The following RGS22 variants were observed in gnomAD, a reference collection of about 807,000 sequenced individuals.
The protein encoded by RGS22 is regulator of G-protein signaling 22.
Under a neutral mutation model 172.9 loss-of-function variants are expected in RGS22, and 148 were observed. The ratio of observed to expected loss-of-function variants is 0.86; its 90% CI spans 0.75 to 0.98. The LOEUF is 0.98. Ranked by LOEUF, RGS22 falls within the 50% of genes least tolerant of loss-of-function variation. The pLI is 0.00. For missense variants in RGS22, 1,347 were observed against 1,440.8 expected (o/e 0.93, Z 1.05); for synonymous variants, 458 against 480.2 (o/e 0.95, Z 0.60).
chr8:100,008,389 T>C lies in RGS22; in HGVS notation c.2347A>G (p.Ile783Val). The C allele has an allele frequency of 6.2e-7, 1 of 1,609,576 alleles. No homozygotes were observed. Among genetic ancestry groups the C allele is most frequent in the South Asian group, 1.1e-5 (1 of 89,704 alleles). Residue 783 changes from isoleucine to valine, a missense_variant, in exon 15 of 28, where the codon ATT becomes GTT. Ile to Val is a conservative substitution (Grantham distance 29). Transcript: ENST00000360863. ...PWTKMVKSDQ[I>V]AYKKVELVEE... ...TGGCACGGTACCTTTTTATAAGCAA[T>C]TTGGTCCGATTTTACCATCTTTGTC...
At chr8:99,986,043 A>G (rs1164803606) in intron 21 of RGS22, among the ~76,000 whole-genome samples, 1 of 152,032 alleles carries the variant, frequency 6.6e-6, no homozygotes, top group Non-Finnish European at 1.5e-5. Context: ...CAGCCTGGGC[A>G]TCATAGGGAG....
chr8:99,966,743 A>G (rs1810776632), intron 23 of RGS22, among the ~76,000 whole-genome samples: 1 of 152,226 alleles, frequency 6.6e-6, no homozygotes, highest in South Asian at 2.1e-4. Context: ...GAGAGTTTCA[A>G]TGTATGAATT....
chr8:100,006,610 TA>T (rs1324264451), intron 15 of RGS22, among the ~76,000 whole-genome samples: 1 of 152,202 alleles, frequency 6.6e-6, no homozygotes, highest in African/African-American at 2.4e-5. Flanking sequence ...CTACTTCATA[TA>T]GTCAGGAGAA....
At chr8:100,081,285 T>G (rs182858712) in intron 3 of RGS22, among the ~76,000 whole-genome samples, 130 of 151,716 alleles carry the variant, frequency 8.6e-4, no homozygotes, top group African/African-American at 3.0e-3. Context: ...AGATATACTA[T>G]AGTCATAATT....
chr8:100,056,492 G>A (rs559366727), intron 9 of RGS22, among the ~76,000 whole-genome samples: 2 of 152,256 alleles, frequency 1.3e-5, no homozygotes, highest in South Asian at 4.1e-4. Context: ...TGGAGGCCTA[G>A]GGGAAAAAAA....
At position 100,063,688 on chromosome 8, in the gene RGS22, A is replaced by G. The variant is rs755990683; in HGVS notation, c.1080T>C (p.Ile360=). 2.5e-6 allele frequency: 4 copies of G among 1,613,930 alleles called. No homozygotes were observed. The African/African-American group carries it at 4.0e-5, about 16-fold the overall frequency. Residue 360 remains isoleucine, a synonymous_variant, in exon 8 of 28, where the codon ATT becomes ATC. Coordinates refer to ENST00000360863, the MANE Select transcript of RGS22 (RefSeq NM_015668.5). ...KVSFDDCFES[I]HGKNFLSELV... ...ATTCACTTAAAAAATTCTTGCCATG[A>G]ATAGACTCAAAACAATCATCAAATG...
Position 100,006,061 on chromosome 8 carries a change from T to G in RGS22, c.2410A>C (p.Lys804Gln), listed in dbSNP as rs1358047025. The G allele has an allele frequency of 6.2e-7, 1 of 1,613,626 alleles. No individual in the cohort carries two copies. The highest frequency in any genetic ancestry group is 8.5e-7 in the Non-Finnish European group (1 of 1,179,714). ...GTCTCTTTATGCAAAGCCTGTAGCT[T>G]TCTGAAGTATGTGGAGTCTAACTGT... Reference protein sequence around the residue: ...TRQLDSTYFRKLQALHKETFS... With the variant: ...TRQLDSTYFRQLQALHKETFS... The change falls in exon 16 of 28, where the codon AAG (lysine) becomes CAG (glutamine). Residue 804 changes from lysine (K) to glutamine (Q), a missense_variant. By Grantham distance (53) the Lys-to-Gln change is moderately conservative (BLOSUM62 1). Coordinates refer to ENST00000360863, the MANE Select transcript of RGS22 (RefSeq NM_015668.5).
chr8:100,066,497 T>C (rs1810545899), intron 6 of RGS22, among the ~76,000 whole-genome samples: 1 of 152,170 alleles, frequency 6.6e-6, no homozygotes, highest in African/African-American at 2.4e-5. Flanking sequence ...TCCAGATTTT[T>C]TTTTCATATT....
intron 20 of RGS22, among the ~76,000 whole-genome samples, chr8:99,987,958 T>C (rs1050332494): frequency 1.3e-5 from 2 of 151,880 alleles, no homozygotes; most frequent in African/African-American, 4.8e-5. Flanking sequence ...CATAATGTTA[T>C]GATTATATGT....
chr8:100,030,938 A>G (rs1818727558), intron 14 of RGS22, among the ~76,000 whole-genome samples: 1 of 152,188 alleles, frequency 6.6e-6, no homozygotes, highest in Non-Finnish European at 1.5e-5. Flanking sequence ...GAAATTAACA[A>G]AAATAGTGTA....
At chr8:100,026,740 T>C (rs1286862369) in intron 14 of RGS22, among the ~76,000 whole-genome samples, 1 of 152,176 alleles carries the variant, frequency 6.6e-6, no homozygotes, top group African/African-American at 2.4e-5. Flanking sequence ...GTTGTTAATC[T>C]GAATAAAACA....
At chr8:100,081,080 A>G (rs558388881) in intron 3 of RGS22, among the ~76,000 whole-genome samples, 1 of 152,054 alleles carries the variant, frequency 6.6e-6, no homozygotes, top group Non-Finnish European at 1.5e-5. Flanking sequence ...GTCTTTTCCC[A>G]TTTGTCTTCC....
chr8:99,962,631 C>A (rs1810327544), intron 26 of RGS22, 56 bp downstream of exon 26: 2 of 1,539,158 alleles, frequency 1.3e-6, no homozygotes, highest in Non-Finnish European at 1.8e-6. Flanking sequence ...AGGTGAGAGG[C>A]AAAACTCCAT....
At chr8:100,082,736 T>C (rs1811856289) in intron 3 of RGS22, among the ~76,000 whole-genome samples, 1 of 152,176 alleles carries the variant, frequency 6.6e-6, no homozygotes, top group Non-Finnish European at 1.5e-5. Flanking sequence ...ACAAAACTAG[T>C]GTGTACTGAC....
Position 100,073,259 on chromosome 8 carries a change from T to C in RGS22, c.340-1029A>G, listed in dbSNP as rs776478329. On this transcript the variant is annotated intron_variant, in intron 4 of 27. Transcript: ENST00000360863. ...TGCATAAGAGTTAACACATAGACCA[T>C]TACAAACTCTAGTGAGGAAATTGAA... is the stretch of plus-strand genomic sequence containing the variant. Among the ~76,000 whole-genome samples, 20 of 152,294 alleles carry C rather than the reference T, an allele frequency of 1.3e-4. 1 individual carries two copies. In the South Asian group the frequency reaches 2.1e-3, roughly 16 times the overall value.
At chr8:100,097,567 T>A (rs1813073888) in intron 2 of RGS22, among the ~76,000 whole-genome samples, 1 of 152,232 alleles carries the variant, frequency 6.6e-6, no homozygotes, top group African/African-American at 2.4e-5. Context: ...GTTTAAATTT[T>A]TTCCTAGTAA....
At chr8:100,072,835 G>A (rs1026914909) in intron 4 of RGS22, among the ~76,000 whole-genome samples, 2 of 152,278 alleles carry the variant, frequency 1.3e-5, no homozygotes, top group Non-Finnish European at 2.9e-5. Flanking sequence ...TCTCTGACCC[G>A]AAGCAAAGCT....
intron 14 of RGS22, among the ~76,000 whole-genome samples, chr8:100,009,354 G>T (rs1330880730): frequency 6.7e-6 from 1 of 148,918 alleles, no homozygotes; most frequent in East Asian, 2.0e-4. Flanking sequence ...GGGCGGCAGA[G>T]ATTGCGGTGG....
At chr8:100,001,678 G>T (rs1815107282) in intron 18 of RGS22, among the ~76,000 whole-genome samples, 1 of 152,144 alleles carries the variant, frequency 6.6e-6, no homozygotes, top group South Asian at 2.1e-4. Flanking sequence ...AAATACAATT[G>T]TAAGGAGGAT....
Sources: gnomAD v4.1 joint callset for allele counts (sites outside exome capture counted in the v4.1 genomes callset) on GRCh38, gnomAD v4.1.1 for gene constraint, MANE v1.5 for transcripts, NCBI Gene and HGNC (gene_info 2026-07-23, HGNC 2026-07-21) for gene names.